HIKESHI: variants seen among roughly 807,000 people sequenced by gnomAD.
HIKESHI encodes heat shock protein nuclear import factor hikeshi, also known as protein Hikeshi.
In HIKESHI, 13 loss-of-function variants were observed where a neutral mutation model predicts 25.7. That is an observed-to-expected ratio of 0.51 (90% confidence interval 0.33 to 0.80). HIKESHI has a LOEUF of 0.80. HIKESHI is among the 30% of genes least tolerant of loss of function. The pLI, the probability that HIKESHI is intolerant of heterozygous loss-of-function variation, is 0.02. For missense variants in HIKESHI, 174 were observed against 229.5 expected (o/e 0.76, Z 1.56); for synonymous variants, 76 against 78.7 (o/e 0.97, Z 0.18).
chr11:86,308,333 AAATATATATTATAT>A (rs1946735047), intron 2 of HIKESHI, among the ~76,000 whole-genome samples: 1 of 65,798 alleles, frequency 1.5e-5, no homozygotes, highest in African/African-American at 6.8e-5. Flanking sequence ...ATTACATATA[AAATATATATTATAT>A]AAAATATATA....
In HIKESHI at chr11:86,345,639, T is replaced by A. The variant is rs1362603885; in HGVS notation, c.*1T>A. ...GAACCCTCTCTTTTGGAAAACATAA[T>A]TTGAATAAAATAATTTTTAATGGAT... On this transcript the variant is annotated 3_prime_UTR_variant, in exon 5 of 5. Coordinates refer to ENST00000278483, the MANE Select transcript of HIKESHI (RefSeq NM_016401.4). 1.3e-6 allele frequency: 2 copies of A among 1,522,732 alleles called. No homozygotes were observed. The highest frequency in any genetic ancestry group is 4.6e-5 in the East Asian group (2 of 43,788). The allele number at this position is 1,522,732 out of a possible 1,614,324, so 94.3% of individuals were successfully genotyped here.
intron 2 of HIKESHI, 107 bp downstream of exon 2, chr11:86,306,589 T>G (rs1440076958): frequency 6.1e-6 from 4 of 650,908 alleles, no homozygotes; most frequent in African/African-American, 3.7e-5. Context: ...TTTCTGGTTG[T>G]TAAAGTAATA....
intron 2 of HIKESHI, 46 bp downstream of exon 2, chr11:86,306,528 T>C: frequency 8.5e-7 from 1 of 1,176,668 alleles, no homozygotes; most frequent in Non-Finnish European, 1.2e-6. Flanking sequence ...TCAAACTTTT[T>C]TCTTAAATAG....
intron 2 of HIKESHI, among the ~76,000 whole-genome samples, chr11:86,321,774 C>T (rs1234297888): frequency 6.6e-6 from 1 of 152,168 alleles, no homozygotes; most frequent in Admixed American, 6.5e-5. Flanking sequence ...AGGTGATCTG[C>T]CTGCCTCAGC....
At chr11:86,310,465 G>A (rs1057162028) in intron 2 of HIKESHI, among the ~76,000 whole-genome samples, 3 of 152,112 alleles carry the variant, frequency 2.0e-5, no homozygotes, top group African/African-American at 7.2e-5. Context: ...GGAGATTTTG[G>A]GCTAGACGAT....
intron 2 of HIKESHI, among the ~76,000 whole-genome samples, chr11:86,324,619 G>A (rs1049091334): frequency 9.2e-5 from 14 of 152,146 alleles, no homozygotes; most frequent in Non-Finnish European, 2.1e-4. Context: ...TTCATAGTAG[G>A]AAATGGTGTA....
chr11:86,322,482 C>A (rs1408834839), intron 2 of HIKESHI, among the ~76,000 whole-genome samples: 1 of 151,706 alleles, frequency 6.6e-6, no homozygotes, highest in African/African-American at 2.4e-5. Flanking sequence ...TATATATATT[C>A]TTGATACAAG....
At chr11:86,305,797 A>G (rs903187976) in intron 1 of HIKESHI, among the ~76,000 whole-genome samples, 1 of 151,712 alleles carries the variant, frequency 6.6e-6, no homozygotes, top group Non-Finnish European at 1.5e-5. Context: ...CTGGAGTGCA[A>G]TGGTATGGTC....
intron 2 of HIKESHI, among the ~76,000 whole-genome samples, chr11:86,321,180 G>A (rs574434480): frequency 3.9e-5 from 6 of 152,186 alleles, no homozygotes; most frequent in East Asian, 3.9e-4. Flanking sequence ...TGATCCACCC[G>A]CCTTGGCCTC....
At position 86,337,421 on chromosome 11, in the gene HIKESHI, G is replaced by T. The variant is rs144405206; in HGVS notation, c.311G>T (p.Arg104Leu). The T allele has an allele frequency of 3.1e-6, 5 of 1,613,888 alleles. No homozygotes were observed. In the South Asian group the frequency reaches 5.5e-5, roughly 18 times the overall value. The change falls in exon 3 of 5, where the codon CGA becomes CTA. Residue 104 changes from arginine to leucine, a missense_variant. Coordinates refer to ENST00000278483, the MANE Select transcript of HIKESHI (RefSeq NM_016401.4). ...QHPFGAMNIV[R>L]TPSVAQIGIS... Reference sequence around the variant, plus strand: ...CCTTTTGGAGCCATGAATATTGTCCGAACTCCATCTGTTGCTCAGATTGGA... The same window carrying T: ...CCTTTTGGAGCCATGAATATTGTCCTAACTCCATCTGTTGCTCAGATTGGA...
intron 2 of HIKESHI, among the ~76,000 whole-genome samples, chr11:86,335,122 G>A (rs146428667): frequency 2.6e-5 from 4 of 152,120 alleles, no homozygotes; most frequent in Non-Finnish European, 5.9e-5. Context: ...CTCCATTCCT[G>A]GTACTGATAT....
intron 2 of HIKESHI, among the ~76,000 whole-genome samples, chr11:86,308,838 C>T (rs566724159): frequency 1.1e-4 from 17 of 151,984 alleles, no homozygotes; most frequent in African/African-American, 3.4e-4. Flanking sequence ...TCTGTCCTTG[C>T]GATAGTTTGC....
At position 86,306,302 on chromosome 11, in the gene HIKESHI, T is replaced by A. The variant is rs1301159213; in HGVS notation, c.88T>A (p.Tyr30Asn). 8.7e-6 allele frequency: 14 copies of A among 1,614,148 alleles called. No homozygotes were observed. The highest frequency in any genetic ancestry group is 1.1e-5 in the Non-Finnish European group (13 of 1,180,000). Residue 30 changes from tyrosine (Y) to asparagine (N), a missense_variant, in exon 2 of 5, where the codon TAT (tyrosine) becomes AAT (asparagine). Transcript: ENST00000278483. ...EDKFVFDLPD[Y>N]ESINHVVVFM... Reference sequence around the variant, plus strand: ...TAAATTTGTTTTTGACTTACCTGATTATGAAAGTATCAACCATGTTGTGGT... The same window carrying A: ...TAAATTTGTTTTTGACTTACCTGATAATGAAAGTATCAACCATGTTGTGGT...
At chr11:86,333,299 G>A (rs1164477554) in intron 2 of HIKESHI, among the ~76,000 whole-genome samples, 1 of 152,114 alleles carries the variant, frequency 6.6e-6, no homozygotes, top group Non-Finnish European at 1.5e-5. Flanking sequence ...ACTTTGGGAG[G>A]CCGAGATGGG....
intron 2 of HIKESHI, among the ~76,000 whole-genome samples, chr11:86,313,900 G>A (rs932766113): frequency 1.3e-5 from 2 of 152,164 alleles, no homozygotes; most frequent in East Asian, 3.8e-4. Flanking sequence ...CTAGGTGGAG[G>A]TAATAGAGGC....
chr11:86,318,897 T>A (rs1267308957), intron 2 of HIKESHI, among the ~76,000 whole-genome samples: 1 of 152,170 alleles, frequency 6.6e-6, no homozygotes, highest in Non-Finnish European at 1.5e-5. Flanking sequence ...GTAATACTGT[T>A]ATCACATCTA....
chr11:86,345,414 G>A lies in HIKESHI; in HGVS notation c.540-170G>A. On this transcript the variant is annotated intron_variant, in intron 4 of 4. Coordinates refer to ENST00000278483, the MANE Select transcript of HIKESHI (RefSeq NM_016401.4). ...ACTGCCCCGATATTTAAATTCCTATGCTTGCTGTCTTTTTATAAGAATAAT... is the reference window on the plus strand; with the variant it reads ...ACTGCCCCGATATTTAAATTCCTATACTTGCTGTCTTTTTATAAGAATAAT... The A allele has an allele frequency of 1.0e-5, 5 of 500,766 alleles. No homozygotes were observed. The South Asian group carries it at 1.7e-4, about 17-fold the overall frequency. 31.0% of individuals were successfully genotyped at this position (500,766 alleles called of 1,614,324 possible).
intron 2 of HIKESHI, among the ~76,000 whole-genome samples, 191 bp downstream of exon 2, chr11:86,306,673 G>A (rs1345027465): frequency 1.3e-5 from 2 of 151,926 alleles, no homozygotes; most frequent in Non-Finnish European, 2.9e-5. Flanking sequence ...GGCTCCTCTT[G>A]TTGTTCATTT....
chr11:86,308,509 C>G (rs1299133173), intron 2 of HIKESHI, among the ~76,000 whole-genome samples: 1 of 147,626 alleles, frequency 6.8e-6, no homozygotes, highest in Admixed American at 6.9e-5. Flanking sequence ...TTTGATCACC[C>G]TGCCAATGTT....
Sources: gnomAD v4.1 joint callset for allele counts (sites outside exome capture counted in the v4.1 genomes callset) on GRCh38, gnomAD v4.1.1 for gene constraint, MANE v1.5 for transcripts, NCBI Gene and HGNC (gene_info 2026-07-23, HGNC 2026-07-21) for gene names.